Variants in DDX42 observed in about 807,000 individuals in gnomAD.
The protein encoded by DDX42 is ATP-dependent RNA helicase DDX42.
DDX42 carries 22 observed loss-of-function variants against 101.5 expected under a neutral mutation model. The observed-to-expected ratio is 0.22, with a 90% CI of 0.15 to 0.31. The LOEUF (loss-of-function observed/expected upper bound fraction) is 0.31. DDX42 is among the 10% of genes least tolerant of loss of function. The probability of loss-of-function intolerance (pLI) is 1.00; values close to 1 mark genes in which losing one functional copy is unlikely to be tolerated. For synonymous variants in DDX42, 402 were observed against 401.2 expected (o/e 1.00, Z -0.02); for missense variants, 849 against 1,199.9 (o/e 0.71, Z 4.32).
rs117704804 is a variant in DDX42, at chr17:63,780,676, C to T, written c.-17+6300C>T. On this transcript the variant is annotated intron_variant, in intron 1 of 17. Transcript: ENST00000389924. ...GTTCTAGATGAGCTAGGGAAAGGAT[C>T]GCTTTTCCAACTTGCTAAGTCTTGA... 6.2e-3 allele frequency among the ~76,000 whole-genome samples: 948 copies of T among 152,270 alleles called. 4 individuals are homozygous for T. Among genetic ancestry groups the T allele is most frequent in the Middle Eastern group, 0.01 (3 of 294 alleles).
At chr17:63,811,887 G>A (rs1470812763) in intron 13 of DDX42, 45 bp from the exon 14 acceptor site, 1 of 1,613,164 alleles carries the variant, frequency 6.2e-7, no homozygotes, top group African/African-American at 1.3e-5. Flanking sequence ...CAGGTGCCCT[G>A]TGGCTCCAAT....
intron 4 of DDX42, among the ~76,000 whole-genome samples, chr17:63,798,935 C>T (rs192740527): frequency 5.1e-4 from 77 of 152,100 alleles, no homozygotes; most frequent in Non-Finnish European, 1.3e-4. Flanking sequence ...GAATAGCAAG[C>T]GCTCTAGGTT....
At chr17:63,785,426 G>A (rs1261351794) in intron 1 of DDX42, among the ~76,000 whole-genome samples, 1 of 150,914 alleles carries the variant, frequency 6.6e-6, no homozygotes, top group Non-Finnish European at 1.5e-5. Flanking sequence ...CTCCAGCCTG[G>A]GTGACAGATC....
chr17:63,803,149 A>C (rs1598336320), intron 6 of DDX42, among the ~76,000 whole-genome samples: 1 of 152,240 alleles, frequency 6.6e-6, no homozygotes, highest in Non-Finnish European at 1.5e-5. Flanking sequence ...GTCAAGCATG[A>C]ATAAAAGCTC....
At chr17:63,814,048 C>T (rs1598343633) in intron 15 of DDX42, among the ~76,000 whole-genome samples, 2 of 152,228 alleles carry the variant, frequency 1.3e-5, no homozygotes, top group East Asian at 3.9e-4. Flanking sequence ...CCATGTTGGT[C>T]GGGCTGGTCT....
At chr17:63,780,432 G>A (rs2039474376) in intron 1 of DDX42, among the ~76,000 whole-genome samples, 1 of 152,164 alleles carries the variant, frequency 6.6e-6, no homozygotes, top group African/African-American at 2.4e-5. Flanking sequence ...ATAAAATAGA[G>A]TTTTCATAAA....
At chr17:63,775,076 C>G (rs2039402042) in intron 1 of DDX42, 1 of 152,570 alleles carries the variant, frequency 6.6e-6, no homozygotes, top group South Asian at 2.1e-4. Context: ...AATGATGTTT[C>G]TATGTCTGTC....
At chr17:63,788,835 T>C (rs2039583361) in intron 2 of DDX42, among the ~76,000 whole-genome samples, 1 of 152,184 alleles carries the variant, frequency 6.6e-6, no homozygotes, top group African/African-American at 2.4e-5. Flanking sequence ...CTCTTGTTGC[T>C]ATTATTTCCA....
intron 3 of DDX42, among the ~76,000 whole-genome samples, chr17:63,796,722 T>C (rs191109688): frequency 1.2e-3 from 190 of 152,382 alleles, no homozygotes; most frequent in Non-Finnish European, 1.3e-3. Context: ...GCTTAAACAA[T>C]ATGTTCTACC....
At chr17:63,789,266 A>T (rs1403785525) in intron 2 of DDX42, among the ~76,000 whole-genome samples, 2 of 151,550 alleles carry the variant, frequency 1.3e-5, no homozygotes, top group Non-Finnish European at 2.9e-5. Flanking sequence ...TTTAGTAGAA[A>T]CGCGGTTTCA....
intron 1 of DDX42, among the ~76,000 whole-genome samples, chr17:63,780,067 C>G (rs995336939): frequency 1.3e-5 from 2 of 152,178 alleles, no homozygotes; most frequent in African/African-American, 4.8e-5. Flanking sequence ...GAGGCCAAGG[C>G]AGGCAGATCA....
Position 63,807,830 on chromosome 17 carries a change from A to G in DDX42, c.953A>G (p.Gln318Arg). The G allele has an allele frequency of 6.2e-7, 1 of 1,614,198 alleles. No individual in the cohort carries two copies. Among genetic ancestry groups the G allele is most frequent in the Non-Finnish European group, 8.5e-7 (1 of 1,180,034 alleles). The change falls in exon 9 of 18, where the codon CAG (glutamine) becomes CGG (arginine). Residue 318 changes from glutamine to arginine, a missense_variant. Physicochemically the swap from Gln to Arg is conservative, Grantham distance 43 (BLOSUM62 1). This residue lies in a region of DDX42 where 370 missense variants were observed against 608.8 expected (regional missense o/e 0.61). Coordinates refer to ENST00000389924, the MANE Select transcript of DDX42 (RefSeq NM_203499.3). ...CCCATGTTGATTCATATAATGGACCAGAAGGAGTTGGAACCAGGTGATGGA... is the reference window on the plus strand; with the variant it reads ...CCCATGTTGATTCATATAATGGACCGGAAGGAGTTGGAACCAGGTGATGGA... ...IWPMLIHIMD[Q>R]KELEPGDGPI...
chr17:63,789,615 C>G (rs1438182832), intron 2 of DDX42, among the ~76,000 whole-genome samples: 3 of 131,402 alleles, frequency 2.3e-5, no homozygotes, highest in Non-Finnish European at 4.6e-5. Flanking sequence ...CTCTTGTTGC[C>G]CAGGCTGGAG....
At chr17:63,776,066 C>G (rs929958158) in intron 1 of DDX42, 1 of 152,150 alleles carries the variant, frequency 6.6e-6, no homozygotes, top group Non-Finnish European at 1.5e-5. Context: ...GAGGTACTCT[C>G]AAAGTATATG....
rs968587935 is a variant in DDX42 at position 63,811,143 on chromosome 17, T to G, written c.1368T>G (p.Pro456=). The G allele has an allele frequency of 1.2e-6, 2 of 1,614,180 alleles. No individual in the cohort carries two copies. The highest frequency in any genetic ancestry group is 1.7e-6 in the Non-Finnish European group (2 of 1,180,024). ...EKLARDILID[P]IRVVQGDIGE... is the part of the protein sequence containing the mutation. The stretch of plus-strand genomic sequence containing the variant: ...TGGCCAGAGACATCCTGATCGACCC[T>G]ATTCGAGTGGTGCAGGGAGATATTG... The change falls in exon 13 of 18, where the codon CCT becomes CCG. Residue 456 remains proline (P), a synonymous_variant. Coordinates refer to ENST00000389924, the MANE Select transcript of DDX42 (RefSeq NM_203499.3).
In DDX42 at chr17:63,815,682, A is replaced by G. The variant is rs369666544; in HGVS notation, c.2013+9A>G. 3.2e-5 allele frequency: 50 copies of G among 1,578,434 alleles called. No homozygotes were observed. The highest frequency in any genetic ancestry group is 3.5e-6 in the Non-Finnish European group (4 of 1,149,782). ...TGGGCTCTGAGAACATGGTGAGTCTAGACTACTACAGTAGTGCCTTTATAG... is the reference window on the plus strand; with the variant it reads ...TGGGCTCTGAGAACATGGTGAGTCTGGACTACTACAGTAGTGCCTTTATAG... On this transcript the variant is annotated intron_variant, in intron 16 of 17. Transcript: ENST00000389924.
chr17:63,811,853 G>A (rs1567744918), intron 13 of DDX42, 79 bp from the exon 14 acceptor site: 22 of 1,584,228 alleles, frequency 1.4e-5, no homozygotes, highest in African/African-American at 4.1e-5. Context: ...GATGCAGGTA[G>A]AAATATAATG....
At chr17:63,797,989 T>C in intron 3 of DDX42, 49 bp from the exon 4 acceptor site, 2 of 1,547,258 alleles carry the variant, frequency 1.3e-6, no homozygotes, top group Admixed American at 2.0e-5. Context: ...AATTGTTTCT[T>C]TCAGTGTTTT....
chr17:63,807,250 C>T (rs2144577196), intron 8 of DDX42, among the ~76,000 whole-genome samples: 1 of 152,326 alleles, frequency 6.6e-6, no homozygotes, highest in Non-Finnish European at 1.5e-5. Flanking sequence ...AAGCAATTCT[C>T]CTGCCTCGGC....
Sources: gnomAD v4.1 joint callset for allele counts (sites outside exome capture counted in the v4.1 genomes callset) on GRCh38, gnomAD v4.1.1 for gene constraint, gnomAD v4.1.1 regional missense constraint, MANE v1.5 for transcripts, NCBI Gene and HGNC (gene_info 2026-07-23, HGNC 2026-07-21) for gene names.